OPA1: variants seen among roughly 807,000 people sequenced by gnomAD.
The protein encoded by OPA1 is OPA1 mitochondrial dynamin like GTPase.
Under a neutral mutation model 152.9 loss-of-function variants are expected in OPA1, and 59 were observed. The ratio of observed to expected loss-of-function variants is 0.39; its 90% confidence interval spans 0.31 to 0.48. The LOEUF is 0.48. Among genes scored for constraint, OPA1 ranks in the 20% least tolerant of loss-of-function variants. The pLI is 0.96. For missense variants in OPA1, 1,008 were observed against 1,216.8 expected (o/e 0.83, Z 2.55); for synonymous variants, 400 against 389.9 (o/e 1.03, Z -0.31).
At chr3:193,627,131 A>G (rs916644020) in intron 7 of OPA1, 1 of 152,220 alleles carries the variant, frequency 6.6e-6, no homozygotes, top group Non-Finnish European at 1.5e-5. Flanking sequence ...ACATTCTACT[A>G]TTTAAATCAA....
At position 193,659,463 on chromosome 3, in the gene OPA1, A is replaced by G. The variant is rs370831273; in HGVS notation, c.2441-19A>G. On this transcript the variant is annotated intron_variant, in intron 24 of 30. Coordinates refer to ENST00000361510, the MANE Select transcript of OPA1 (RefSeq NM_130837.3). The stretch of plus-strand genomic sequence containing the variant: ...TGTGTAAGTGATAAAATTCTTGATT[A>G]ATTAATTTTTTTTTCTAGCTGAAAA... 2.1e-5 allele frequency: 34 copies of G among 1,583,208 alleles called. No individual in the cohort carries two copies. The highest frequency in any genetic ancestry group is 2.5e-5 in the Non-Finnish European group (29 of 1,158,836).
intron 29 of OPA1, among the ~76,000 whole-genome samples, chr3:193,685,543 A>T (rs576368514): frequency 2.6e-5 from 4 of 152,230 alleles, no homozygotes; most frequent in Non-Finnish European, 5.9e-5. Flanking sequence ...CATAGCAAGC[A>T]GTGCTATGCT....
At chr3:193,606,234 A>G (rs1329726672) in intron 1 of OPA1, among the ~76,000 whole-genome samples, 1 of 152,086 alleles carries the variant, frequency 6.6e-6, no homozygotes, top group Non-Finnish European at 1.5e-5. Flanking sequence ...TTAATATATA[A>G]TTTTAAAAAT....
chr3:193,593,454 T>G (rs778456870), intron 1 of OPA1, 45 bp downstream of exon 1: 56 of 1,497,306 alleles, frequency 3.7e-5, no homozygotes, highest in Non-Finnish European at 4.9e-5. Context: ...TGGGGCCTCT[T>G]GAGAGTGGGG....
intron 21 of OPA1, among the ~76,000 whole-genome samples, chr3:193,652,929 CAG>C (rs1491347780): frequency 3.3e-5 from 5 of 152,044 alleles, no homozygotes; most frequent in African/African-American, 1.2e-4. Context: ...AAAAGGGTGT[CAG>C]GGATATGGAT....
At chr3:193,648,628 A>G (rs1432118136) in intron 20 of OPA1, 167 bp from the exon 21 acceptor site, 1 of 576,918 alleles carries the variant, frequency 1.7e-6, no homozygotes, top group Middle Eastern at 3.5e-4. Context: ...TATCTGCATA[A>G]TGGCATTCCT....
Position 193,617,280 on chromosome 3 carries a change from C to T in OPA1, c.551C>T (p.Thr184Ile). 1 of 1,588,914 alleles carries T rather than the reference C, an allele frequency of 6.3e-7. No homozygotes were observed. Among genetic ancestry groups the T allele is most frequent in the Non-Finnish European group, 8.6e-7 (1 of 1,157,492 alleles). The change falls in exon 4 of 31, where the codon ACC becomes ATC. Residue 184 changes from threonine to isoleucine, a missense_variant. This residue lies in a region of OPA1 where 408 missense variants were observed against 395.1 expected (regional missense o/e 1.03). Coordinates refer to ENST00000361510, the MANE Select transcript of OPA1 (RefSeq NM_130837.3). ...ESLSLLKDFFTSGHKLVSEVI... is the reference protein window; with the variant it reads ...ESLSLLKDFFISGHKLVSEVI... ...CTTAGCTTATTGAAGGACTTTTTTACCTCAGGTAAGGAAGAAGCTGTTTGA... is the reference window on the plus strand; with the variant it reads ...CTTAGCTTATTGAAGGACTTTTTTATCTCAGGTAAGGAAGAAGCTGTTTGA...
chr3:193,668,588 T>A (rs1270358276), intron 29 of OPA1: 1 of 1,544,104 alleles, frequency 6.5e-7, no homozygotes, highest in East Asian at 2.5e-5. Context: ...GATACCCTCT[T>A]TACCCTGCCT....
chr3:193,613,685 C>T (rs1728594103), intron 1 of OPA1, among the ~76,000 whole-genome samples: 1 of 151,906 alleles, frequency 6.6e-6, no homozygotes. Flanking sequence ...TCAAGTGATT[C>T]TCCTGCCTCA....
Position 193,617,828 on chromosome 3 carries a change from C to A in OPA1, c.601C>A (p.Leu201Ile). 1 of 1,611,638 alleles carries A rather than the reference C, an allele frequency of 6.2e-7. No individual in the cohort carries two copies. Among genetic ancestry groups the A allele is most frequent in the Non-Finnish European group, 8.5e-7 (1 of 1,177,958 alleles). Residue 201 changes from leucine (L) to isoleucine (I), a missense_variant, in exon 5 of 31, where the codon CTC (leucine) becomes ATC (isoleucine). Around this residue, in one of 7 missense-constraint regions of OPA1, gnomAD observed 408 missense variants for 395.1 expected, o/e 1.03. Transcript: ENST00000361510. Reference protein sequence around the residue: ...SEVIGASDLLLLLGSPEETAF... With the variant: ...SEVIGASDLLILLGSPEETAF... ...AGTCATAGGAGCTTCTGACCTACTTCTCTTGTTAGGTGTGTAAACAGACAT... is the reference window on the plus strand; with the variant it reads ...AGTCATAGGAGCTTCTGACCTACTTATCTTGTTAGGTGTGTAAACAGACAT...
intron 7 of OPA1, among the ~76,000 whole-genome samples, chr3:193,629,903 C>A (rs1731807009): frequency 6.6e-6 from 1 of 152,116 alleles, no homozygotes; most frequent in African/African-American, 2.4e-5. Flanking sequence ...TTAGTATTTA[C>A]ATTTAAAACT....
In OPA1 at chr3:193,648,840, A is replaced by G. The variant is rs1043124113; in HGVS notation, c.1981A>G (p.Ile661Val). 1 of 1,609,826 alleles carries G rather than the reference A, an allele frequency of 6.2e-7. No individual in the cohort carries two copies. The highest frequency in any genetic ancestry group is 2.2e-5 in the East Asian group (1 of 44,672). ...KAKNEILDEV[I>V]SLSQVTPKHW... ...TAAAAATGAAATCCTTGATGAAGTT[A>G]TCAGTCTGAGCCAGGTTACACCAAA... The change falls in exon 21 of 31, where the codon ATC becomes GTC. Residue 661 changes from isoleucine to valine, a missense_variant. Physicochemically the swap from Ile to Val is conservative, Grantham distance 29. Around this residue, in one of 7 missense-constraint regions of OPA1, gnomAD observed 229 missense variants for 269.0 expected, o/e 0.85. Transcript: ENST00000361510.
intron 9 of OPA1, among the ~76,000 whole-genome samples, chr3:193,636,012 A>G (rs1047489981): frequency 6.6e-6 from 1 of 152,202 alleles, no homozygotes; most frequent in African/African-American, 2.4e-5. Flanking sequence ...TACTATCAGC[A>G]CATTGGTGAA....
At chr3:193,645,840 G>T in intron 18 of OPA1, 40 bp downstream of exon 18, 2 of 1,439,964 alleles carry the variant, frequency 1.4e-6, no homozygotes, top group South Asian at 2.3e-5. Flanking sequence ...TTTACAGTAA[G>T]AGAGTAGCTT....
intron 6 of OPA1, among the ~76,000 whole-genome samples, chr3:193,623,051 A>G (rs1356480949): frequency 6.6e-6 from 1 of 152,204 alleles, no homozygotes; most frequent in Non-Finnish European, 1.5e-5. Flanking sequence ...GGGATTTCTT[A>G]TGCAACAAAT....
At chr3:193,651,865 G>C (rs1381425005) in intron 21 of OPA1, among the ~76,000 whole-genome samples, 1 of 151,656 alleles carries the variant, frequency 6.6e-6, no homozygotes, top group Non-Finnish European at 1.5e-5. Flanking sequence ...TTCTGTATTG[G>C]TTGAAATTAT....
chr3:193,656,244 C>T (rs1334691231), intron 22 of OPA1, among the ~76,000 whole-genome samples: 1 of 152,092 alleles, frequency 6.6e-6, no homozygotes, highest in Non-Finnish European at 1.5e-5. Flanking sequence ...GCTTTCTGTC[C>T]CTCAGCACTA....
intron 23 of OPA1, among the ~76,000 whole-genome samples, chr3:193,657,558 T>C (rs1714156838): frequency 6.6e-6 from 1 of 152,220 alleles, no homozygotes; most frequent in South Asian, 2.1e-4. Flanking sequence ...TTACCCTCTG[T>C]GATAATGAAA....
chr3:193,659,356 C>T, intron 24 of OPA1, 126 bp from the exon 25 acceptor site: 1 of 836,526 alleles, frequency 1.2e-6, no homozygotes, highest in Admixed American at 2.3e-5. Flanking sequence ...GGGTTTTTTC[C>T]TTTATTTCAA....
Sources: allele counts gnomAD v4.1 joint callset (sites outside exome capture counted in the v4.1 genomes callset), GRCh38; gene constraint gnomAD v4.1.1; regional missense constraint gnomAD v4.1.1; transcripts MANE v1.5; gene names NCBI Gene and HGNC (gene_info 2026-07-23, HGNC 2026-07-21).